CCNB1: variants seen among roughly 807,000 people sequenced by gnomAD.
The protein encoded by CCNB1 is cyclin B1.
Under a neutral mutation model 44.4 loss-of-function variants are expected in CCNB1, and 26 were observed. The ratio of observed to expected loss-of-function variants is 0.59; its 90% CI spans 0.43 to 0.81. CCNB1 has a LOEUF of 0.81. CCNB1 is among the 40% of genes least tolerant of loss of function. CCNB1 has a pLI of 0.00. For missense variants in CCNB1, 477 were observed against 520.9 expected (o/e 0.92, Z 0.82); for synonymous variants, 195 against 181.4 (o/e 1.08, Z -0.60).
At chr5:69,174,549 A>T in intron 5 of CCNB1, 140 bp downstream of exon 5, 1 of 799,724 alleles carries the variant, frequency 1.3e-6, no homozygotes, top group South Asian at 1.7e-5. Context: ...GGAGATCGAG[A>T]CCATCCTGGC....
chr5:69,177,663 CAAATA>C lies in CCNB1; in HGVS notation c.*37_*41del. 7.5e-7 allele frequency: 1 copy of C among 1,340,038 alleles called. No individual in the cohort carries two copies. The highest frequency in any genetic ancestry group is 1.1e-6 in the Non-Finnish European group (1 of 938,332). The allele number at this position is 1,340,038 out of a possible 1,614,324, so 83.0% of individuals were successfully genotyped here. ...AACTTGAGTTGGAGTACTATATTTACAAATAAAATTGGCACCATGTGCCATCTGTA... is the reference window on the plus strand; with the variant it reads ...AACTTGAGTTGGAGTACTATATTTACAAATTGGCACCATGTGCCATCTGTA... On this transcript the variant is annotated 3_prime_UTR_variant, in exon 9 of 9. Transcript: ENST00000256442.
In CCNB1 at chr5:69,178,081, G is replaced by C. The variant is rs1311454311; in HGVS notation, c.*450G>C. ...CCCCCTGTTTTCTGTTTCTTCTTGTGATTGCTGCCATAATTCTAAGTTATT... is the reference window on the plus strand; with the variant it reads ...CCCCCTGTTTTCTGTTTCTTCTTGTCATTGCTGCCATAATTCTAAGTTATT... On this transcript the variant is annotated 3_prime_UTR_variant, in exon 9 of 9. Coordinates refer to ENST00000256442, the MANE Select transcript of CCNB1 (RefSeq NM_031966.4). 6.5e-6 allele frequency: 1 copy of C among 152,702 alleles called. No homozygotes were observed. The highest frequency in any genetic ancestry group is 1.5e-5 in the Non-Finnish European group (1 of 68,448). 9.5% of individuals were successfully genotyped at this position (152,702 alleles called of 1,614,324 possible). A position where few individuals can be genotyped will look rare whatever the true frequency, so the allele number is the denominator to read the frequency against.
At chr5:69,172,935 G>A (rs927058033) in intron 4 of CCNB1, among the ~76,000 whole-genome samples, 3 of 151,806 alleles carry the variant, frequency 2.0e-5, no homozygotes, top group African/African-American at 4.8e-5. Context: ...CACCACGCCT[G>A]GCTAATTTTT....
At chr5:69,175,973 AATATATAAAATATATATAT>A (rs1561315435) in intron 7 of CCNB1, among the ~76,000 whole-genome samples, 2 of 114,378 alleles carry the variant, frequency 1.7e-5, no homozygotes, top group African/African-American at 6.5e-5. Flanking sequence ...CTTTACAAAA[AATATATAAAATATATATAT>A]ATATATATAT....
In CCNB1 at chr5:69,171,128, A is replaced by G. The variant is rs2069431; in HGVS notation, c.364-142A>G. The G allele has an allele frequency of 6.2e-4, 381 of 613,908 alleles. 1 individual carries two copies. The African/African-American group carries it at 6.5e-3, about 10-fold the overall frequency. The allele number at this position is 613,908 out of a possible 1,614,324, so 38.0% of individuals were successfully genotyped here. A position where few individuals can be genotyped will look rare whatever the true frequency, so the allele number is the denominator to read the frequency against. On this transcript the variant is annotated intron_variant, in intron 3 of 8. Coordinates refer to ENST00000256442, the MANE Select transcript of CCNB1 (RefSeq NM_031966.4). Reference sequence around the variant, plus strand: ...TAAAAAGAAATGGAATAAATCTGAAAAGATACTTTTCCTTTAAGGAAATGA... The same window carrying G: ...TAAAAAGAAATGGAATAAATCTGAAGAGATACTTTTCCTTTAAGGAAATGA...
chr5:69,167,171 T>A lies in CCNB1; in HGVS notation c.-92T>A. The A allele has an allele frequency of 9.4e-7, 1 of 1,066,328 alleles. No individual in the cohort carries two copies. Among genetic ancestry groups the A allele is most frequent in the South Asian group, 1.6e-5 (1 of 62,174 alleles). The allele number at this position is 1,066,328 out of a possible 1,614,324, so 66.1% of individuals were successfully genotyped here. Reference sequence around the variant, plus strand: ...TCTCGGCGTGCTGCGGCGGAACGGCTGTTGGTTTCTGCTGGGTGTAGGTCC... The same window carrying A: ...TCTCGGCGTGCTGCGGCGGAACGGCAGTTGGTTTCTGCTGGGTGTAGGTCC... On this transcript the variant is annotated 5_prime_UTR_variant, in exon 1 of 9. Transcript: ENST00000256442.
At chr5:69,175,254 G>T in intron 6 of CCNB1, 141 bp downstream of exon 6, 2 of 1,037,710 alleles carry the variant, frequency 1.9e-6, no homozygotes, top group Non-Finnish European at 1.4e-6. Flanking sequence ...TTCTAGTCAG[G>T]CTGCATGTTA....
At chr5:69,174,540 G>A in intron 5 of CCNB1, 131 bp downstream of exon 5, 1 of 844,840 alleles carries the variant, frequency 1.2e-6, no homozygotes, top group South Asian at 1.6e-5. Context: ...ACAAGGTTAG[G>A]AGATCGAGAC....
chr5:69,175,627 G>T, intron 7 of CCNB1, 90 bp downstream of exon 7: 1 of 1,215,730 alleles, frequency 8.2e-7, no homozygotes, highest in African/African-American at 1.5e-5. Context: ...AATTCAAGTG[G>T]TTCATAAATA....
At chr5:69,169,897 G>T (rs1273611729) in intron 3 of CCNB1, among the ~76,000 whole-genome samples, 1 of 151,852 alleles carries the variant, frequency 6.6e-6, no homozygotes, top group East Asian at 1.9e-4. Flanking sequence ...TGATCCACCC[G>T]CCTCAGCCTC....
chr5:69,168,377 A>G (rs1747387410), intron 3 of CCNB1, 34 bp downstream of exon 3: 1 of 1,611,886 alleles, frequency 6.2e-7, no homozygotes, highest in African/African-American at 1.3e-5. Flanking sequence ...GAGTCTGTTG[A>G]TTATTTCTTG....
rs149713830 is a variant in CCNB1, at chr5:69,169,308, C to T, written c.363+965C>T. Among the ~76,000 whole-genome samples, 34 of 152,280 alleles carry T rather than the reference C, an allele frequency of 2.2e-4. 1 individual carries two copies. In the East Asian group the frequency reaches 5.4e-3, roughly 24 times the overall value. ...TCCTGACCTCATGATCCGCCCGCCTCGGCCTCCGAAAGTGCTGGGATTACA... is the reference window on the plus strand; with the variant it reads ...TCCTGACCTCATGATCCGCCCGCCTTGGCCTCCGAAAGTGCTGGGATTACA... On this transcript the variant is annotated intron_variant, in intron 3 of 8. Coordinates refer to ENST00000256442, the MANE Select transcript of CCNB1 (RefSeq NM_031966.4).
chr5:69,177,726 T>C lies in CCNB1; in HGVS notation c.*95T>C, dbSNP rs1396103126. On this transcript the variant is annotated 3_prime_UTR_variant, in exon 9 of 9. Transcript: ENST00000256442. ...CTGTTGCATTTACTTTTAATAAAGC[T>C]TGTGGCCCCTTTTACTTTTTTATAG... The C allele has an allele frequency of 1.4e-6, 1 of 732,936 alleles. No individual in the cohort carries two copies. The highest frequency in any genetic ancestry group is 2.6e-5 in the East Asian group (1 of 38,788). 45.4% of individuals were successfully genotyped at this position (732,936 alleles called of 1,614,324 possible).
At chr5:69,170,611 C>T (rs1021455815) in intron 3 of CCNB1, among the ~76,000 whole-genome samples, 3 of 151,590 alleles carry the variant, frequency 2.0e-5, no homozygotes, top group Admixed American at 1.3e-4. Context: ...AATTTATTTG[C>T]TTCCAACTTT....
intron 5 of CCNB1, among the ~76,000 whole-genome samples, 198 bp downstream of exon 5, chr5:69,174,607 G>T (rs1020617498): frequency 1.3e-5 from 2 of 152,002 alleles, no homozygotes; most frequent in Non-Finnish European, 2.9e-5. Context: ...AAATTAGCCG[G>T]GCATGGTGGC....
chr5:69,168,559 C>T lies in CCNB1; in HGVS notation c.363+216C>T, dbSNP rs983039899. 1.3e-4 allele frequency among the ~76,000 whole-genome samples: 20 copies of T among 152,148 alleles called. 1 individual carries two copies. Among genetic ancestry groups the T allele is most frequent in the African/African-American group, 4.6e-4 (19 of 41,424 alleles). ...GTCACCTCTACTATTTAAATCATGG[C>T]TTTAGAGAGGTTATGTCAGGGTCAC... On this transcript the variant is annotated intron_variant, in intron 3 of 8. Transcript: ENST00000256442.
In CCNB1 at chr5:69,177,355, T is replaced by A; in HGVS notation, c.1194+6T>A. Reference sequence around the variant, plus strand: ...AAGGACTTACAAAGCACATGGTGAGTCAATATAGTGGCATTGTAAGATGCT... The same window carrying A: ...AAGGACTTACAAAGCACATGGTGAGACAATATAGTGGCATTGTAAGATGCT... On this transcript the variant is annotated splice_donor_region_variant and intron_variant, in intron 8 of 8. Coordinates refer to ENST00000256442, the MANE Select transcript of CCNB1 (RefSeq NM_031966.4). 1 of 1,549,698 alleles carries A rather than the reference T, an allele frequency of 6.5e-7. No homozygotes were observed.
Position 69,175,499 on chromosome 5 carries a change from T to A in CCNB1, c.1045T>A (p.Phe349Ile), listed in dbSNP as rs1428188310. 1.9e-6 allele frequency: 3 copies of A among 1,614,130 alleles called. No homozygotes were observed. In the South Asian group the frequency reaches 3.3e-5, roughly 18 times the overall value. ...FPPSQIAAGA[F>I]CLALKILDNG... ...TCCTTCTCAAATTGCAGCAGGAGCT[T>A]TTTGCTTAGCACTGAAAATTCTGGA... The change falls in exon 7 of 9, where the codon TTT (phenylalanine) becomes ATT (isoleucine). Residue 349 changes from phenylalanine to isoleucine, a missense_variant. Physicochemically the swap from Phe to Ile is conservative, Grantham distance 21 (BLOSUM62 0). Coordinates refer to ENST00000256442, the MANE Select transcript of CCNB1 (RefSeq NM_031966.4).
At chr5:69,171,542 G>C in intron 4 of CCNB1, 90 bp downstream of exon 4, 1 of 917,710 alleles carries the variant, frequency 1.1e-6, no homozygotes, top group Admixed American at 2.6e-5. Context: ...CAAGCAGGAC[G>C]TGGGCAGCAT....
Sources: gnomAD v4.1 joint callset for allele counts (sites outside exome capture counted in the v4.1 genomes callset) on GRCh38, gnomAD v4.1.1 for gene constraint, MANE v1.5 for transcripts, NCBI Gene and HGNC (gene_info 2026-07-23, HGNC 2026-07-21) for gene names.